The following SLC16A7 variants were observed in gnomAD, a reference collection of about 807,000 sequenced individuals.
SLC16A7 encodes the protein solute carrier family 16 member 7.
SLC16A7 carries 33 observed loss-of-function variants against 34.9 expected under a neutral mutation model. That is an observed-to-expected ratio of 0.94 (90% CI 0.72 to 1.26). The LOEUF (loss-of-function observed/expected upper bound fraction) is 1.26. Among genes scored for constraint, SLC16A7 ranks in the 50% most tolerant of loss-of-function variants. The probability of loss-of-function intolerance (pLI) is 0.00; values close to 1 mark genes in which losing one functional copy is unlikely to be tolerated. For missense variants in SLC16A7, 573 were observed against 578.1 expected (o/e 0.99, Z 0.09); for synonymous variants, 201 against 206.6 (o/e 0.97, Z 0.23).
In SLC16A7 at chr12:59,785,049, T is replaced by C. The variant is rs188388951; in HGVS notation, c.*5370T>C. The C allele has an allele frequency of 6.6e-6, 1 of 152,198 alleles. No homozygotes were observed. Among genetic ancestry groups the C allele is most frequent in the East Asian group, 1.9e-4 (1 of 5,176 alleles). The allele number at this position is 152,198 out of a possible 1,614,324, so 9.4% of individuals were successfully genotyped here. On this transcript the variant is annotated 3_prime_UTR_variant, in exon 6 of 6. Coordinates refer to ENST00000547379, the MANE Select transcript of SLC16A7 (RefSeq NM_001270623.2). ...CAAACTTGACTTTACTCATCTCTCT[T>C]TAAGATTTTGATTTCTGCACAACCA...
In SLC16A7 at chr12:59,779,551, A is replaced by G; in HGVS notation, c.1309A>G (p.Lys437Glu). The G allele has an allele frequency of 6.2e-7, 1 of 1,613,062 alleles. No homozygotes were observed. The highest frequency in any genetic ancestry group is 8.5e-7 in the Non-Finnish European group (1 of 1,179,472). The change falls in exon 6 of 6, where the codon AAG becomes GAG. Residue 437 changes from lysine to glutamate, a missense_variant. By Grantham distance (56) the Lys-to-Glu change is moderately conservative (BLOSUM62 1). Transcript: ENST00000547379. Reference protein sequence around the residue: ...INYRLLAKERKEENARQKTRE... With the variant: ...INYRLLAKEREEENARQKTRE... ...CTATAGATTGCTTGCAAAGGAAAGG[A>G]AGGAGGAAAATGCAAGGCAGAAGAC...
chr12:59,624,315 T>C (rs1313464269), intron 1 of SLC16A7, among the ~76,000 whole-genome samples: 1 of 151,724 alleles, frequency 6.6e-6, no homozygotes. Context: ...AACTTACATA[T>C]GAGCAGTTTT....
chr12:59,775,377 C>T lies in SLC16A7; in HGVS notation c.1082C>T (p.Thr361Ile). 1.9e-6 allele frequency: 3 copies of T among 1,614,064 alleles called. No individual in the cohort carries two copies. The South Asian group carries it at 3.3e-5, about 18-fold the overall frequency. The change falls in exon 5 of 6, where the codon ACT (threonine) becomes ATT (isoleucine). Residue 361 changes from threonine to isoleucine, a missense_variant. Physicochemically the swap from Thr to Ile is moderately conservative, Grantham distance 89 (BLOSUM62 -1). Coordinates refer to ENST00000547379, the MANE Select transcript of SLC16A7 (RefSeq NM_001270623.2). ...AGTGTTAGCAGTGTTCTCTTTGAAA[C>T]TCTCATGGACCTCGTGGGTGCACCA... is the stretch of plus-strand genomic sequence containing the variant. ...FGSVSSVLFETLMDLVGAPRF... is the reference protein window; with the variant it reads ...FGSVSSVLFEILMDLVGAPRF...
intron 2 of SLC16A7, among the ~76,000 whole-genome samples, chr12:59,691,660 TA>T (rs1464208045): frequency 3.0e-4 from 46 of 152,130 alleles, no homozygotes; most frequent in Middle Eastern, 6.8e-3. Context: ...TTAAAATAAT[TA>T]TATTCTGTTC....
At chr12:59,771,432 C>A in intron 4 of SLC16A7, 70 bp downstream of exon 4, 1 of 1,091,548 alleles carries the variant, frequency 9.2e-7, no homozygotes, top group Non-Finnish European at 1.3e-6. Flanking sequence ...GAAGAATGAA[C>A]AACAGAAAAT....
intron 3 of SLC16A7, among the ~76,000 whole-genome samples, chr12:59,757,685 CT>C: frequency 6.6e-6 from 1 of 152,136 alleles, no homozygotes; most frequent in African/African-American, 2.4e-5. Context: ...CTTCCACCTC[CT>C]CCACCTCTTC....
At chr12:59,715,633 G>T (rs1202070190) in intron 3 of SLC16A7, among the ~76,000 whole-genome samples, 1 of 152,184 alleles carries the variant, frequency 6.6e-6, no homozygotes, top group Non-Finnish European at 1.5e-5. Flanking sequence ...GGCACACAAT[G>T]CATGTCAGGT....
intron 2 of SLC16A7, among the ~76,000 whole-genome samples, chr12:59,695,210 T>A (rs1872142465): frequency 6.6e-6 from 1 of 152,034 alleles, no homozygotes; most frequent in South Asian, 2.1e-4. Flanking sequence ...GGCTGTCTTC[T>A]GAGGCTTTGC....
At chr12:59,698,757 G>A (rs925362023) in intron 2 of SLC16A7, among the ~76,000 whole-genome samples, 3 of 151,752 alleles carry the variant, frequency 2.0e-5, no homozygotes, top group African/African-American at 7.2e-5. Context: ...GGAGTACTCT[G>A]TAGAAATGCC....
chr12:59,608,992 A>G (rs1879069529), intron 1 of SLC16A7, among the ~76,000 whole-genome samples: 1 of 152,180 alleles, frequency 6.6e-6, no homozygotes, highest in African/African-American at 2.4e-5. Flanking sequence ...TTAAGTGTGA[A>G]TATTATGTAG....
At chr12:59,755,404 A>G (rs942109149) in intron 3 of SLC16A7, among the ~76,000 whole-genome samples, 1 of 152,226 alleles carries the variant, frequency 6.6e-6, no homozygotes, top group Non-Finnish European at 1.5e-5. Flanking sequence ...AACTTCAGCA[A>G]AGTCTCAGGA....
At chr12:59,772,603 G>C (rs1253115579) in intron 4 of SLC16A7, among the ~76,000 whole-genome samples, 1 of 152,038 alleles carries the variant, frequency 6.6e-6, no homozygotes. Flanking sequence ...TTTGACTTTG[G>C]TTTCCAAAAG....
chr12:59,757,153 T>G lies in SLC16A7; in HGVS notation c.218-14066T>G, dbSNP rs1159922668. Among the ~76,000 whole-genome samples, 4 of 149,740 alleles carry G rather than the reference T, an allele frequency of 2.7e-5. No individual in the cohort carries two copies. In the South Asian group the frequency reaches 6.5e-4, roughly 24 times the overall value. Reference sequence around the variant, plus strand: ...GATAGCTTTAGGAGATATACCTAATTCTAAATGACGAGTTAATGGGTGCAG... The same window carrying G: ...GATAGCTTTAGGAGATATACCTAATGCTAAATGACGAGTTAATGGGTGCAG... On this transcript the variant is annotated intron_variant, in intron 3 of 5. Coordinates refer to ENST00000547379, the MANE Select transcript of SLC16A7 (RefSeq NM_001270623.2).
chr12:59,679,341 C>T (rs1870568181), intron 2 of SLC16A7, among the ~76,000 whole-genome samples: 2 of 152,196 alleles, frequency 1.3e-5, no homozygotes, highest in Admixed American at 6.5e-5. Context: ...CGTACCCCTC[C>T]CACTGCAGCT....
chr12:59,712,495 C>G (rs1874350951), intron 3 of SLC16A7, among the ~76,000 whole-genome samples: 1 of 152,118 alleles, frequency 6.6e-6, no homozygotes, highest in Admixed American at 6.6e-5. Flanking sequence ...TTTCTGACTC[C>G]CCAAGGGAAA....
chr12:59,709,943 G>T (rs956279646), intron 3 of SLC16A7, among the ~76,000 whole-genome samples: 1 of 151,570 alleles, frequency 6.6e-6, no homozygotes, highest in Non-Finnish European at 1.5e-5. Flanking sequence ...AAGGTGGTTT[G>T]ATCTGGCATG....
chr12:59,684,273 C>G (rs1223860900), intron 2 of SLC16A7, among the ~76,000 whole-genome samples: 1 of 152,074 alleles, frequency 6.6e-6, no homozygotes, highest in African/African-American at 2.4e-5. Flanking sequence ...ATTACTGACA[C>G]CAAATCCTTT....
chr12:59,604,894 T>C (rs1288187341), intron 1 of SLC16A7, among the ~76,000 whole-genome samples: 1 of 152,222 alleles, frequency 6.6e-6, no homozygotes, highest in Non-Finnish European at 1.5e-5. Flanking sequence ...TCACCCAGGC[T>C]GGAGTGCAGT....
At chr12:59,690,139 T>C (rs1258318841) in intron 2 of SLC16A7, among the ~76,000 whole-genome samples, 1 of 151,992 alleles carries the variant, frequency 6.6e-6, no homozygotes, top group Non-Finnish European at 1.5e-5. Context: ...TAGAGCCATA[T>C]ACGTAATTTC....
Sources: gnomAD v4.1 joint callset for allele counts (sites outside exome capture counted in the v4.1 genomes callset) on GRCh38, gnomAD v4.1.1 for gene constraint, MANE v1.5 for transcripts, NCBI Gene and HGNC (gene_info 2026-07-23, HGNC 2026-07-21) for gene names.